The following DYM variants were observed in gnomAD, a reference collection of about 807,000 sequenced individuals.
The protein encoded by DYM is dyggve-Melchior-Clausen syndrome protein.
Under a neutral mutation model 93.1 loss-of-function variants are expected in DYM, and 78 were observed. The ratio of observed to expected loss-of-function variants is 0.84; its 90% CI spans 0.70 to 1.01. The LOEUF is 1.01. Among genes scored for constraint, DYM ranks in the 50% least tolerant of loss-of-function variants. The probability of loss-of-function intolerance (pLI) is 0.00; values close to 1 mark genes in which losing one functional copy is unlikely to be tolerated. For missense variants in DYM, 789 were observed against 845.0 expected, an observed-to-expected ratio of 0.93 and a Z score of 0.82; for synonymous variants, 321 against 319.7, an observed-to-expected ratio of 1.00 and a Z score of -0.04.
chr18:49,184,405 A>G (rs906773826), intron 14 of DYM, among the ~76,000 whole-genome samples: 2 of 152,136 alleles, frequency 1.3e-5, no homozygotes, highest in African/African-American at 2.4e-5. Flanking sequence ...AGAAAGCTCA[A>G]TTCCCTAAGG....
At chr18:49,373,147 T>C (rs1405987685) in intron 5 of DYM, among the ~76,000 whole-genome samples, 1 of 152,204 alleles carries the variant, frequency 6.6e-6, no homozygotes, top group Non-Finnish European at 1.5e-5. Context: ...ATGATATTGT[T>C]ACAGGACAGA....
At chr18:49,240,793 A>C (rs1245046926) in intron 13 of DYM, among the ~76,000 whole-genome samples, 1 of 152,230 alleles carries the variant, frequency 6.6e-6, no homozygotes, top group African/African-American at 2.4e-5. Flanking sequence ...CAATCATTGG[A>C]ACCCAGTATG....
intron 6 of DYM, among the ~76,000 whole-genome samples, chr18:49,362,133 T>C (rs1360300235): frequency 6.6e-6 from 1 of 151,966 alleles, no homozygotes; most frequent in African/African-American, 2.4e-5. Flanking sequence ...CCCAAAGTGC[T>C]GGGATTACAG....
chr18:49,404,934 A>G (rs1390863585), intron 2 of DYM, among the ~76,000 whole-genome samples: 1 of 149,996 alleles, frequency 6.7e-6, no homozygotes, highest in Non-Finnish European at 1.5e-5. Flanking sequence ...AACTGCTTGA[A>G]CCTGGGAGGC....
chr18:49,283,209 C>G (rs921278286), intron 9 of DYM, among the ~76,000 whole-genome samples: 2 of 152,108 alleles, frequency 1.3e-5, no homozygotes, highest in African/African-American at 4.8e-5. Context: ...AAATACAGTA[C>G]TGAATTTATA....
At chr18:49,317,551 T>TTCTCTCTTTCTCTCTCTCTCTCTCTC (rs2062028243) in intron 8 of DYM, among the ~76,000 whole-genome samples, 1 of 29,356 alleles carries the variant, frequency 3.4e-5, no homozygotes, top group African/African-American at 1.4e-4. Flanking sequence ...CCATCTAGAT[T>TTCTCTCTTTCTCTCTCTCTCTCTCTC]TCTCTCTCTC....
chr18:49,110,977 G>GC (rs1386910787), intron 16 of DYM, among the ~76,000 whole-genome samples: 1 of 151,990 alleles, frequency 6.6e-6, no homozygotes, highest in Admixed American at 6.5e-5. Context: ...CCACTAATGA[G>GC]CCAGTCATAG....
At chr18:49,081,323 G>A (rs1056094187) in intron 17 of DYM, among the ~76,000 whole-genome samples, 31 of 151,614 alleles carry the variant, frequency 2.0e-4, no homozygotes, top group African/African-American at 6.8e-4. Flanking sequence ...CCAACACAGC[G>A]AAACCCCGTC....
At chr18:49,395,350 C>G (rs1252108368) in intron 2 of DYM, among the ~76,000 whole-genome samples, 1 of 152,066 alleles carries the variant, frequency 6.6e-6, no homozygotes, top group Admixed American at 6.6e-5. Flanking sequence ...AAACACAAGG[C>G]CAGGCGCAGT....
rs192507795 is a variant in DYM at position 49,040,937 on chromosome 18, A to G, written c.*3118T>C. Among the ~76,000 whole-genome samples the G allele has an allele frequency of 6.6e-6, 1 of 152,370 alleles. No individual in the cohort carries two copies. Among genetic ancestry groups the G allele is most frequent in the African/African-American group, 2.4e-5 (1 of 41,580 alleles). The stretch of plus-strand genomic sequence containing the variant: ...CTTGGATGTACCTTAGCAAGCTCTT[A>G]GGAAGTTGCTGAGTGTTCTGATGCT... On this transcript the variant is annotated 3_prime_UTR_variant, in exon 18 of 18. Transcript: ENST00000675505.
chr18:49,219,861 C>T (rs978383293), intron 13 of DYM, among the ~76,000 whole-genome samples: 4 of 148,480 alleles, frequency 2.7e-5, no homozygotes, highest in African/African-American at 7.3e-5. Context: ...CAGGGATGCC[C>T]TCTCTCACCA....
At chr18:49,344,185 G>T (rs74790663) in intron 6 of DYM, among the ~76,000 whole-genome samples, 1 of 152,108 alleles carries the variant, frequency 6.6e-6, no homozygotes, top group African/African-American at 2.4e-5. Flanking sequence ...AAAAAATGAT[G>T]TAAACAGAAA....
chr18:49,327,003 G>GTGTGTGTGTA (rs2062931895), intron 8 of DYM, among the ~76,000 whole-genome samples: 1 of 131,584 alleles, frequency 7.6e-6, no homozygotes, highest in Admixed American at 7.4e-5. Flanking sequence ...GTGTGTGTGT[G>GTGTGTGTGTA]TGTGTGTGTG....
chr18:49,405,012 CAAAAAA>C (rs199975015), intron 2 of DYM, among the ~76,000 whole-genome samples: 5 of 102,192 alleles, frequency 4.9e-5, no homozygotes, highest in Non-Finnish European at 9.4e-5. Flanking sequence ...GACTCCATCT[CAAAAAA>C]AAAAAAAAAA....
At position 49,439,811 on chromosome 18, in the gene DYM, T is replaced by C. The variant is rs965608545; in HGVS notation, c.-53-9364A>G. Among the ~76,000 whole-genome samples, 5 of 151,990 alleles carry C rather than the reference T, an allele frequency of 3.3e-5. No individual in the cohort carries two copies. In the South Asian group the frequency reaches 6.2e-4, roughly 19 times the overall value. ...CAGAAGCTGAGTTCAAGACCAGCCT[T>C]GACAACAAAGCAAAACTCTGTCTCT... is the stretch of plus-strand genomic sequence containing the variant. On this transcript the variant is annotated intron_variant, in intron 1 of 17. Coordinates refer to ENST00000675505, the MANE Select transcript of DYM (RefSeq NM_001353214.3).
intron 6 of DYM, among the ~76,000 whole-genome samples, chr18:49,342,987 T>C (rs2064283530): frequency 6.6e-6 from 1 of 152,178 alleles, no homozygotes; most frequent in African/African-American, 2.4e-5. Flanking sequence ...GAAGCACAGC[T>C]TCAAATGGTA....
At chr18:49,297,106 T>C (rs2060613916) in intron 8 of DYM, among the ~76,000 whole-genome samples, 1 of 152,250 alleles carries the variant, frequency 6.6e-6, no homozygotes, top group Non-Finnish European at 1.5e-5. Flanking sequence ...AAGTTCTAAA[T>C]ATAGGTGTCA....
rs572861764 is a variant in DYM, at chr18:49,037,901, T to C, written c.*6154A>G. On this transcript the variant is annotated 3_prime_UTR_variant, in exon 18 of 18. Coordinates refer to ENST00000675505, the MANE Select transcript of DYM (RefSeq NM_001353214.3). ...GTGCAGTAGTGCAATTATAGCTCAC[T>C]GCAGCCTCGACCTCCTGGGCACAAG... Among the ~76,000 whole-genome samples the C allele has an allele frequency of 3.3e-5, 5 of 152,328 alleles. No homozygotes were observed. In the East Asian group the frequency reaches 9.6e-4, roughly 29 times the overall value.
intron 8 of DYM, among the ~76,000 whole-genome samples, chr18:49,327,246 G>C (rs1054944767): frequency 6.6e-6 from 1 of 152,120 alleles, no homozygotes; most frequent in Middle Eastern, 3.4e-3. Context: ...TTAAGTAGGA[G>C]AATGCAGATA....
Sources: allele counts gnomAD v4.1 joint callset (sites outside exome capture counted in the v4.1 genomes callset), GRCh38; gene constraint gnomAD v4.1.1; transcripts MANE v1.5; gene names NCBI Gene and HGNC (gene_info 2026-07-23, HGNC 2026-07-21).